Variants in RBFOX1 observed in about 807,000 individuals in gnomAD.
RBFOX1 encodes RNA binding protein fox-1 homolog 1.
RBFOX1 carries 8 observed loss-of-function variants against 57.7 expected under a neutral mutation model. That is an observed-to-expected ratio of 0.14 (90% CI 0.08 to 0.25). RBFOX1 has a LOEUF of 0.25. RBFOX1 is among the 10% of genes least tolerant of loss of function. The probability of loss-of-function intolerance (pLI) is 1.00; values close to 1 mark genes in which losing one functional copy is unlikely to be tolerated. For synonymous variants in RBFOX1, 326 were observed against 222.4 expected (o/e 1.47, Z -4.15); for missense variants, 611 against 548.5 (o/e 1.11, Z -1.14).
At chr16:6,537,332 G>A (rs1320401120) in intron 2 of RBFOX1, among the ~76,000 whole-genome samples, 1 of 152,144 alleles carries the variant, frequency 6.6e-6, no homozygotes, top group East Asian at 1.9e-4. Context: ...CTCTGCAATA[G>A]AATTGCATCC....
At chr16:7,630,267 T>A (rs1028861799) in intron 10 of RBFOX1, among the ~76,000 whole-genome samples, 2 of 152,084 alleles carry the variant, frequency 1.3e-5, no homozygotes, top group African/African-American at 2.4e-5. Context: ...AGGCTTACTA[T>A]CTAGCTCCCT....
intron 4 of RBFOX1, among the ~76,000 whole-genome samples, chr16:7,147,369 C>A (rs1260126674): frequency 6.7e-6 from 1 of 149,346 alleles, no homozygotes; most frequent in East Asian, 2.0e-4. Context: ...GTCTGTTACA[C>A]AGGTAAACTG....
At chr16:5,727,130 T>C (rs1288036771) in intron 3 of RBFOX1, among the ~76,000 whole-genome samples, 1 of 152,068 alleles carries the variant, frequency 6.6e-6, no homozygotes, top group Non-Finnish European at 1.5e-5. Flanking sequence ...AGCTGGGTGT[T>C]CTTTCATGTG....
At chr16:5,993,895 G>T (rs2060448397) in intron 4 of RBFOX1, among the ~76,000 whole-genome samples, 1 of 152,168 alleles carries the variant, frequency 6.6e-6, no homozygotes, top group East Asian at 1.9e-4. Flanking sequence ...CTTATTTAGT[G>T]AAGCAGGTCC....
In RBFOX1 at chr16:6,947,200, C is replaced by A. The variant is rs541815820; in HGVS notation, c.-15-104857C>A. Among the ~76,000 whole-genome samples the A allele has an allele frequency of 2.6e-5, 4 of 152,260 alleles. No homozygotes were observed. The South Asian group carries it at 8.3e-4, about 32-fold the overall frequency. On this transcript the variant is annotated intron_variant, in intron 3 of 15. Coordinates refer to ENST00000550418, the MANE Select transcript of RBFOX1 (RefSeq NM_018723.4). ...ATTTCAACTCTTTATGTGAAGGATG[C>A]AGTTTATGGCTGTCTTTTAGGAATT...
intron 1 of RBFOX1, among the ~76,000 whole-genome samples, chr16:6,146,433 G>A (rs977581011): frequency 6.6e-6 from 1 of 152,174 alleles, no homozygotes; most frequent in Non-Finnish European, 1.5e-5. Context: ...GATTTTCACT[G>A]TGGGAGCTGT....
chr16:5,796,566 CTGA>C (rs5815269), intron 3 of RBFOX1, among the ~76,000 whole-genome samples: 58,589 of 151,524 alleles, frequency 0.39, 11,776 homozygotes, highest in East Asian at 0.48. Context: ...TCTCCACACC[CTGA>C]TGATGATGAT....
At chr16:7,111,571 C>T (rs1490669608) in intron 4 of RBFOX1, among the ~76,000 whole-genome samples, 1 of 152,016 alleles carries the variant, frequency 6.6e-6, no homozygotes, top group Non-Finnish European at 1.5e-5. Context: ...TCAGCTTATC[C>T]TGTGTGTTTT....
chr16:5,991,715 T>A (rs1842943271), intron 4 of RBFOX1, among the ~76,000 whole-genome samples: 1 of 151,444 alleles, frequency 6.6e-6, no homozygotes, highest in South Asian at 2.1e-4. Flanking sequence ...GCTCTGTGAG[T>A]TGAGCCTGCC....
At chr16:7,523,025 G>C (rs907101729) in intron 5 of RBFOX1, among the ~76,000 whole-genome samples, 1 of 152,070 alleles carries the variant, frequency 6.6e-6, no homozygotes, top group Non-Finnish European at 1.5e-5. Context: ...GAACCAGTGG[G>C]TCTGCTTCTT....
intron 3 of RBFOX1, among the ~76,000 whole-genome samples, chr16:5,716,718 G>A (rs1158338174): frequency 1.3e-5 from 2 of 152,228 alleles, no homozygotes; most frequent in Admixed American, 6.5e-5. Context: ...GTGAGCATAG[G>A]TGTCCATGTG....
At chr16:5,437,598 A>G (rs2067955651) in intron 1 of RBFOX1, among the ~76,000 whole-genome samples, 2 of 152,242 alleles carry the variant, frequency 1.3e-5, no homozygotes, top group South Asian at 2.1e-4. Context: ...ATTGTTTTTA[A>G]AGAGTATAAT....
chr16:7,034,914 T>G (rs1226117959), intron 3 of RBFOX1, among the ~76,000 whole-genome samples: 1 of 137,990 alleles, frequency 7.2e-6, no homozygotes, highest in African/African-American at 2.8e-5. Context: ...AGTGGCGTGA[T>G]CTCTGTTCAC....
chr16:6,952,807 C>A (rs9926804), intron 3 of RBFOX1, among the ~76,000 whole-genome samples: 48,391 of 151,614 alleles, frequency 0.32, 9,793 homozygotes, highest in African/African-American at 0.58. Flanking sequence ...GAAACCCCAT[C>A]TCTACTAAAA....
At chr16:7,340,386 C>T (rs944209501) in intron 4 of RBFOX1, among the ~76,000 whole-genome samples, 2 of 152,158 alleles carry the variant, frequency 1.3e-5, no homozygotes, top group Non-Finnish European at 2.9e-5. Context: ...AGTTTTATTG[C>T]CTTCCACTTC....
At chr16:6,640,878 G>C (rs1195978373) in intron 2 of RBFOX1, among the ~76,000 whole-genome samples, 1 of 152,062 alleles carries the variant, frequency 6.6e-6, no homozygotes, top group Non-Finnish European at 1.5e-5. Context: ...CCCAAAACAA[G>C]CAACATGAAC....
At chr16:6,911,687 A>T (rs992095545) in intron 3 of RBFOX1, among the ~76,000 whole-genome samples, 2 of 152,190 alleles carry the variant, frequency 1.3e-5, no homozygotes, top group Non-Finnish European at 2.9e-5. Context: ...CATAGCAGAC[A>T]GGCAATTCTT....
In RBFOX1 at chr16:5,483,966, T is replaced by C. The variant is rs570637326; in HGVS notation, c.258+16712T>C. On this transcript the variant is annotated intron_variant, in intron 2 of 2. Transcript: ENST00000585867. ...CAGGAGGATTGCTTGAGCCCAGGAG[T>C]TTCAGACTAGCCTGAGCAATATAGT... Among the ~76,000 whole-genome samples, 12 of 151,718 alleles carry C rather than the reference T, an allele frequency of 7.9e-5. No homozygotes were observed. In the East Asian group the frequency reaches 1.4e-3, roughly 17 times the overall value.
intron 4 of RBFOX1, among the ~76,000 whole-genome samples, chr16:7,269,261 A>G (rs1603463922): frequency 6.6e-6 from 1 of 152,130 alleles, no homozygotes; most frequent in African/African-American, 2.4e-5. Context: ...ATAGACACAT[A>G]CACACACCTA....
Sources: gnomAD v4.1 joint callset for allele counts (sites outside exome capture counted in the v4.1 genomes callset) on GRCh38, gnomAD v4.1.1 for gene constraint, MANE v1.5 for transcripts, NCBI Gene and HGNC (gene_info 2026-07-23, HGNC 2026-07-21) for gene names.